The following NEMP2 variants were observed in gnomAD, a reference collection of about 807,000 sequenced individuals.
The protein encoded by NEMP2 is UPF0571 transmembrane protein.
NEMP2 carries 53 observed loss-of-function variants against 54.2 expected under a neutral mutation model. The observed-to-expected ratio is 0.98, with a 90% CI of 0.78 to 1.23. NEMP2 has a LOEUF of 1.23. NEMP2 is among the 50% of genes most tolerant of loss of function. NEMP2 has a pLI of 0.00. For synonymous variants in NEMP2, 197 were observed against 190.3 expected, an observed-to-expected ratio of 1.04 and a Z score of -0.29; for missense variants, 455 against 511.3, an observed-to-expected ratio of 0.89 and a Z score of 1.06.
chr2:190,509,318 A>G lies in NEMP2; in HGVS notation c.1131-6T>C, dbSNP rs1253723086. The G allele has an allele frequency of 1.3e-6, 2 of 1,551,384 alleles. No individual in the cohort carries two copies. The highest frequency in any genetic ancestry group is 4.9e-5 in the East Asian group (2 of 40,920). ...CAAGAACAAAGTCTGCAAATCTAAC[A>G]AGTTTTTTGTTTTAAATAAAGTTAA... On this transcript the variant is annotated splice_polypyrimidine_tract_variant and splice_region_variant and intron_variant, in intron 8 of 8. Coordinates refer to ENST00000409150, the MANE Select transcript of NEMP2 (RefSeq NM_001142645.2). The surrounding 1 kb of genome is among the most constrained non-coding windows in gnomAD (Gnocchi z 6.1).
chr2:190,567,872 C>A, the NEMP2 span, among the ~76,000 whole-genome samples: 2 of 152,172 alleles, frequency 1.3e-5, no homozygotes, highest in Non-Finnish European at 2.9e-5. This position sits in a 1 kb window ranked among gnomAD's most constrained non-coding sequence, Gnocchi z 4.0. Context: ...TGGTCTCGAT[C>A]TCTTGACCTT....
the NEMP2 span, among the ~76,000 whole-genome samples, chr2:190,434,763 A>G: frequency 6.6e-6 from 1 of 152,138 alleles, no homozygotes; most frequent in Non-Finnish European, 1.5e-5. This position sits in a 1 kb window ranked among gnomAD's most constrained non-coding sequence, Gnocchi z 4.3. Context: ...GTTTACTGGC[A>G]TCTTATCTAA....
At position 190,533,947 on chromosome 2, in the gene NEMP2, C is replaced by T; in HGVS notation, c.97+612G>A. On this transcript the variant is annotated intron_variant, in intron 1 of 8. Coordinates refer to ENST00000409150, the MANE Select transcript of NEMP2 (RefSeq NM_001142645.2). The surrounding 1 kb of genome is among the most constrained non-coding windows in gnomAD (Gnocchi z 4.3). ...CTACAGCTAGCAGCCGCTACCAGTT[C>T]TTGCTTCCTGTGTGCCAGGCATTGT... is the stretch of plus-strand genomic sequence containing the variant. 1.0e-6 allele frequency: 1 copy of T among 984,474 alleles called. No homozygotes were observed. The highest frequency in any genetic ancestry group is 1.2e-6 in the Non-Finnish European group (1 of 829,106). The allele number at this position is 984,474 out of a possible 1,614,324, so 61.0% of individuals were successfully genotyped here.
At chr2:190,473,398 C>A in the NEMP2 span, among the ~76,000 whole-genome samples, 1 of 152,054 alleles carries the variant, frequency 6.6e-6, no homozygotes, top group African/African-American at 2.4e-5. Context: ...GAAGATCTAC[C>A]AAGCAAATGG....
At chr2:190,582,032 A>G in the NEMP2 span, among the ~76,000 whole-genome samples, 1 of 152,212 alleles carries the variant, frequency 6.6e-6, no homozygotes, top group African/African-American at 2.4e-5. This position sits in a 1 kb window ranked among gnomAD's most constrained non-coding sequence, Gnocchi z 4.6. Flanking sequence ...CAAATGTAAG[A>G]GGTCATAGGT....
chr2:190,436,377 C>T, the NEMP2 span: 10 of 1,614,198 alleles, frequency 6.2e-6, no homozygotes, highest in Non-Finnish European at 8.5e-6. The surrounding 1 kb of genome is among the most constrained non-coding windows in gnomAD (Gnocchi z 5.3). Context: ...TTGAATTCTG[C>T]AGTGCCCCCT....
At chr2:190,463,585 C>CTG in the NEMP2 span, among the ~76,000 whole-genome samples, 5 of 152,288 alleles carry the variant, frequency 3.3e-5, no homozygotes, top group East Asian at 9.6e-4. This position sits in a 1 kb window ranked among gnomAD's most constrained non-coding sequence, Gnocchi z 4.4. Context: ...CTTTGGGAGG[C>CTG]TGAGATAGGA....
the NEMP2 span, among the ~76,000 whole-genome samples, chr2:190,494,471 A>G: frequency 2.0e-5 from 3 of 152,220 alleles, no homozygotes; most frequent in Non-Finnish European, 4.4e-5. The surrounding 1 kb of genome is among the most constrained non-coding windows in gnomAD (Gnocchi z 5.7). Context: ...AAGATAGAGA[A>G]AGAGGGAATC....
chr2:190,644,488 T>C, the NEMP2 span, among the ~76,000 whole-genome samples: 1 of 152,212 alleles, frequency 6.6e-6, no homozygotes, highest in Non-Finnish European at 1.5e-5. This position sits in a 1 kb window ranked among gnomAD's most constrained non-coding sequence, Gnocchi z 4.4. Context: ...CTATTTTCCA[T>C]GAATTACAAC....
At chr2:190,478,221 C>T in the NEMP2 span, among the ~76,000 whole-genome samples, 4 of 152,146 alleles carry the variant, frequency 2.6e-5, no homozygotes, top group African/African-American at 9.7e-5. Context: ...CAGTAGAAAC[C>T]TAGCTACTGG....
At chr2:190,459,797 G>C in the NEMP2 span, among the ~76,000 whole-genome samples, 3 of 152,212 alleles carry the variant, frequency 2.0e-5, no homozygotes, top group Non-Finnish European at 2.9e-5. This position sits in a 1 kb window ranked among gnomAD's most constrained non-coding sequence, Gnocchi z 5.3. Context: ...CCAGCTAGTA[G>C]AGACTCAGAC....
At chr2:190,478,532 G>T in the NEMP2 span, among the ~76,000 whole-genome samples, 8 of 152,274 alleles carry the variant, frequency 5.3e-5, no homozygotes, top group South Asian at 1.7e-3. Context: ...GCCTTTACAA[G>T]GCTCGTCCAA....
At chr2:190,564,631 GCTT>G in the NEMP2 span, among the ~76,000 whole-genome samples, 1 of 152,152 alleles carries the variant, frequency 6.6e-6, no homozygotes, top group Non-Finnish European at 1.5e-5. This position sits in a 1 kb window ranked among gnomAD's most constrained non-coding sequence, Gnocchi z 4.2. Flanking sequence ...CTAAAGCAAA[GCTT>G]CTCACGTAAA....
the NEMP2 span, among the ~76,000 whole-genome samples, chr2:190,486,725 T>C: frequency 2.6e-5 from 4 of 152,222 alleles, no homozygotes; most frequent in Non-Finnish European, 5.9e-5. Context: ...AGAATTTTGA[T>C]CTTTTAGTTT....
chr2:190,469,080 G>GT, the NEMP2 span, among the ~76,000 whole-genome samples: 1 of 152,112 alleles, frequency 6.6e-6, no homozygotes, highest in Non-Finnish European at 1.5e-5. This position sits in a 1 kb window ranked among gnomAD's most constrained non-coding sequence, Gnocchi z 5.3. Context: ...AGCGGTAATG[G>GT]TGGGGGTGAG....
chr2:190,474,280 G>C, the NEMP2 span, among the ~76,000 whole-genome samples: 2 of 152,066 alleles, frequency 1.3e-5, no homozygotes, highest in Non-Finnish European at 2.9e-5. Context: ...TCCAGGAGCT[G>C]GTTTTTTGAA....
chr2:190,549,798 G>A, the NEMP2 span, among the ~76,000 whole-genome samples: 729 of 152,102 alleles, frequency 4.8e-3, 4 homozygotes, highest in Non-Finnish European at 7.7e-3. Context: ...CATGGAATCC[G>A]TCATGTCTCC....
intron 4 of NEMP2, among the ~76,000 whole-genome samples, chr2:190,518,018 C>T (rs888026956): frequency 6.6e-6 from 1 of 152,170 alleles, no homozygotes; most frequent in Non-Finnish European, 1.5e-5. Flanking sequence ...CTTTATTCTT[C>T]ATGCTATGTA....
chr2:190,461,380 A>C, the NEMP2 span, among the ~76,000 whole-genome samples: 1 of 152,364 alleles, frequency 6.6e-6, no homozygotes, highest in African/African-American at 2.4e-5. The surrounding 1 kb of genome is among the most constrained non-coding windows in gnomAD (Gnocchi z 5.5). Flanking sequence ...CTTAGAGACT[A>C]TCCATTATAT....
Sources: allele counts gnomAD v4.1 joint callset (sites outside exome capture counted in the v4.1 genomes callset), GRCh38; gene constraint gnomAD v4.1.1; non-coding constraint Gnocchi (gnomAD v3.1); transcripts MANE v1.5; gene names NCBI Gene and HGNC (gene_info 2026-07-23, HGNC 2026-07-21).